Variants in SH3BP5 observed in about 807,000 individuals in gnomAD.
SH3BP5 encodes SH3 domain binding protein 5, also known as SH3 domain-binding protein 5.
Under a neutral mutation model 43.3 loss-of-function variants are expected in SH3BP5, and 22 were observed. The ratio of observed to expected loss-of-function variants is 0.51; its 90% CI spans 0.36 to 0.73. SH3BP5 has a LOEUF of 0.73. Ranked by LOEUF, SH3BP5 falls within the 30% of genes least tolerant of loss-of-function variation. SH3BP5 has a pLI of 0.00. For missense variants in SH3BP5, 529 were observed against 586.9 expected (o/e 0.90, Z 1.02); for synonymous variants, 255 against 225.8 (o/e 1.13, Z -1.16).
rs998191327 is a variant in SH3BP5 at position 15,256,856 on chromosome 3, G to A, written c.1147C>T (p.Arg383Ter). The change falls in exon 8 of 9, where the codon CGA becomes TGA. Residue 383 changes from arginine to a stop codon, truncating the protein, a stop_gained. Transcript: ENST00000383791. LOFTEE classifies it low-confidence loss of function (END_TRUNC). Reference sequence around the variant, plus strand: ...GGGTGAGAAGGCTGCTACTCACCTCGTTCTACTTCACATTCAGGGGAGGAG... The same window carrying A: ...GGGTGAGAAGGCTGCTACTCACCTCATTCTACTTCACATTCAGGGGAGGAG... ...GASSPECEVERGDRAEGAENK... is the reference protein window; with the variant it reads ...GASSPECEVE 31 of 1,608,668 alleles carry A rather than the reference G, an allele frequency of 1.9e-5. No individual in the cohort carries two copies. Among genetic ancestry groups the A allele is most frequent in the African/African-American group, 4.0e-5 (3 of 74,918 alleles).
At chr3:15,328,215 C>T (rs1698513084) in intron 2 of SH3BP5, among the ~76,000 whole-genome samples, 2 of 152,104 alleles carry the variant, frequency 1.3e-5, no homozygotes, top group Admixed American at 1.3e-4. Context: ...AAACACCTGT[C>T]TGGTGGCTTC....
At position 15,296,694 on chromosome 3, in the gene SH3BP5, CT is replaced by C. The variant is rs370273754; in HGVS notation, c.330+7408del. Among the ~76,000 whole-genome samples, 943 of 124,900 alleles carry C rather than the reference CT, an allele frequency of 7.6e-3. 12 individuals carry two copies. Among genetic ancestry groups the C allele is most frequent in the African/African-American group, 0.026 (756 of 28,930 alleles). The allele number at this position is 124,900 out of a possible 152,430, so 81.9% of individuals were successfully genotyped here. On this transcript the variant is annotated intron_variant, in intron 3 of 8. Coordinates refer to ENST00000383791, the MANE Select transcript of SH3BP5 (RefSeq NM_004844.5). ...ATCCTCCACTTACGAAGTGTTTTTC[CT>C]TTTTTTTTTTTTTTTTGAGACAGGG...
At chr3:15,268,059 C>G (rs563371567) in intron 4 of SH3BP5, among the ~76,000 whole-genome samples, 1 of 152,112 alleles carries the variant, frequency 6.6e-6, no homozygotes, top group South Asian at 2.1e-4. Flanking sequence ...CCATTTTTCT[C>G]GAGATGACCC....
chr3:15,281,875 A>G (rs1254441114), intron 3 of SH3BP5, among the ~76,000 whole-genome samples: 1 of 152,134 alleles, frequency 6.6e-6, no homozygotes, highest in African/African-American at 2.4e-5. Flanking sequence ...GCGGTGGTGC[A>G]TGCCTATAAT....
intron 5 of SH3BP5, 120 bp from the exon 6 acceptor site, chr3:15,259,923 A>G (rs889156691): frequency 5.7e-6 from 5 of 882,190 alleles, no homozygotes; most frequent in Non-Finnish European, 9.5e-6. Context: ...AATATTTAGT[A>G]AACTCTTAAC....
chr3:15,330,359 A>G (rs1252007238), intron 2 of SH3BP5, 145 bp downstream of exon 2: 3 of 712,660 alleles, frequency 4.2e-6, no homozygotes, highest in East Asian at 5.4e-5. Context: ...TCAGTGGTGT[A>G]TTTTATTCTG....
chr3:15,279,802 T>C (rs944513426), intron 3 of SH3BP5, among the ~76,000 whole-genome samples: 1 of 152,058 alleles, frequency 6.6e-6, no homozygotes, highest in Non-Finnish European at 1.5e-5. Flanking sequence ...CAGGGAAGGT[T>C]CATCAAGCAC....
intron 2 of SH3BP5, among the ~76,000 whole-genome samples, chr3:15,310,002 G>A (rs1337169515): frequency 6.7e-6 from 1 of 149,646 alleles, no homozygotes; most frequent in Non-Finnish European, 1.5e-5. Flanking sequence ...TGAGGTATGA[G>A]AGGCCACAAA....
chr3:15,295,150 C>T (rs1261470523), intron 3 of SH3BP5, among the ~76,000 whole-genome samples: 1 of 152,180 alleles, frequency 6.6e-6, no homozygotes, highest in Non-Finnish European at 1.5e-5. Flanking sequence ...ATCAGAGCCA[C>T]ATGGTTCAGC....
Position 15,270,708 on chromosome 3 carries a change from T to C in SH3BP5, c.331-831A>G, listed in dbSNP as rs141780223. On this transcript the variant is annotated intron_variant, in intron 3 of 8. Transcript: ENST00000383791. ...GCACTATGGGAGGCAGGCGGATCACTTGAGGTCAGGAATTAAAGACCAGCC... is the reference window on the plus strand; with the variant it reads ...GCACTATGGGAGGCAGGCGGATCACCTGAGGTCAGGAATTAAAGACCAGCC... Among the ~76,000 whole-genome samples, 1,008 of 152,128 alleles carry C rather than the reference T, an allele frequency of 6.6e-3. 8 individuals carry two copies. The highest frequency in any genetic ancestry group is 0.019 in the African/African-American group (805 of 41,488).
chr3:15,330,625 T>TA (rs1698587276), intron 1 of SH3BP5, 59 bp from the exon 2 acceptor site: 1 of 1,463,756 alleles, frequency 6.8e-7, no homozygotes, highest in Non-Finnish European at 9.1e-7. Context: ...GTTTCCAATA[T>TA]AACTCAGTCC....
chr3:15,259,103 G>T, intron 6 of SH3BP5, 53 bp from the exon 7 acceptor site: 1 of 1,414,494 alleles, frequency 7.1e-7, no homozygotes, highest in Non-Finnish European at 1.0e-6. Context: ...GCCTTAAGAT[G>T]CTTTCTGAAT....
At chr3:15,339,755 G>T (rs550196938) in intron 1 of SH3BP5, 2 of 151,864 alleles carry the variant, frequency 1.3e-5, no homozygotes, top group African/African-American at 4.8e-5. Context: ...AAGAGTGCTT[G>T]CTTCGGCAGC....
intron 3 of SH3BP5, among the ~76,000 whole-genome samples, chr3:15,298,091 C>T (rs1392519497): frequency 6.6e-6 from 1 of 151,828 alleles, no homozygotes; most frequent in East Asian, 1.9e-4. Flanking sequence ...ATCCTCCTGC[C>T]TCTGCCTCCT....
rs934098809 is a variant in SH3BP5 at position 15,262,419 on chromosome 3, G to A, written c.496-130C>T. Reference sequence around the variant, plus strand: ...ACACATGTGTAATCCCAGCACTTTGGGAGGCCAAGGTGGGTGGATCACGAG... The same window carrying A: ...ACACATGTGTAATCCCAGCACTTTGAGAGGCCAAGGTGGGTGGATCACGAG... On this transcript the variant is annotated intron_variant, in intron 4 of 8. Transcript: ENST00000383791. 6.1e-6 allele frequency: 7 copies of A among 1,150,530 alleles called. No homozygotes were observed. The African/African-American group carries it at 7.7e-5, about 13-fold the overall frequency. 71.3% of individuals were successfully genotyped at this position (1,150,530 alleles called of 1,614,324 possible).
chr3:15,287,774 C>T (rs191651910), intron 3 of SH3BP5, among the ~76,000 whole-genome samples: 25 of 152,250 alleles, frequency 1.6e-4, no homozygotes, highest in Non-Finnish European at 2.9e-4. Context: ...TAGAACACCA[C>T]GACGTACCCT....
upstream of SH3BP5, among the ~76,000 whole-genome samples, chr3:15,337,093 T>G (rs1255935458): frequency 3.4e-5 from 5 of 147,084 alleles, no homozygotes; most frequent in Non-Finnish European, 6.0e-5. Flanking sequence ...AGTTTTTTTT[T>G]TTTTTTTTTT....
At chr3:15,331,974 T>G in intron 1 of SH3BP5, 1 of 333,760 alleles carries the variant, frequency 3.0e-6, no homozygotes. Context: ...CCCGCCCCCT[T>G]TTTCCCTTTG....
At position 15,256,059 on chromosome 3, in the gene SH3BP5, T is replaced by C. The variant is rs776024182; in HGVS notation, c.*27A>G. On this transcript the variant is annotated 3_prime_UTR_variant, in exon 9 of 9. Coordinates refer to ENST00000383791, the MANE Select transcript of SH3BP5 (RefSeq NM_004844.5). ...CCAGTTCCATGTATAAATGTTGATA[T>C]GCACATCGGCCAGGGCCCAGGATGA... The C allele has an allele frequency of 1.6e-5, 25 of 1,547,160 alleles. No homozygotes were observed. The highest frequency in any genetic ancestry group is 2.2e-5 in the Non-Finnish European group (25 of 1,123,694).
Sources: gnomAD v4.1 joint callset for allele counts (sites outside exome capture counted in the v4.1 genomes callset) on GRCh38, gnomAD v4.1.1 for gene constraint, MANE v1.5 for transcripts, NCBI Gene and HGNC (gene_info 2026-07-23, HGNC 2026-07-21) for gene names.